THSD4: variants seen among roughly 807,000 people sequenced by gnomAD.
THSD4 encodes thrombospondin type-1 domain-containing protein 4.
THSD4 carries 69 observed loss-of-function variants against 119.0 expected under a neutral mutation model. The observed-to-expected ratio is 0.58, with a 90% confidence interval of 0.48 to 0.71. The LOEUF is 0.71. Among genes scored for constraint, THSD4 ranks in the 30% least tolerant of loss-of-function variants. THSD4 has a pLI of 0.00. For missense variants in THSD4, 1,393 were observed against 1,391.1 expected (o/e 1.00, Z -0.02); for synonymous variants, 524 against 540.4 (o/e 0.97, Z 0.42).
chr15:71,421,959 T>G (rs909869729), intron 7 of THSD4, among the ~76,000 whole-genome samples: 1 of 152,258 alleles, frequency 6.6e-6, no homozygotes, highest in African/African-American at 2.4e-5. Context: ...TAAGAGACTC[T>G]GATGTATTCT....
rs1164539507 is a variant in THSD4, at chr15:71,419,292, TCC to T, written c.1152+7470_1152+7471del. ...ATCACAGCTCACTGCAGCCTTGACCTCCAGGATCAAGCAGTTCCCCCAGCTCA... is the reference window on the plus strand; with the variant it reads ...ATCACAGCTCACTGCAGCCTTGACCTAGGATCAAGCAGTTCCCCCAGCTCA... On this transcript the variant is annotated intron_variant, in intron 7 of 17. Coordinates refer to ENST00000261862, the MANE Select transcript of THSD4 (RefSeq NM_024817.3). Among the ~76,000 whole-genome samples the T allele has an allele frequency of 1.9e-5, 2 of 106,190 alleles. 1 individual carries two copies. The highest frequency in any genetic ancestry group is 6.2e-4 in the East Asian group (2 of 3,230). The allele number at this position is 106,190 out of a possible 152,430, so 69.7% of individuals were successfully genotyped here. A position where few individuals can be genotyped will look rare whatever the true frequency, so the allele number is the denominator to read the frequency against.
chr15:71,319,663 G>T (rs1384560513), intron 6 of THSD4, among the ~76,000 whole-genome samples: 1 of 151,986 alleles, frequency 6.6e-6, no homozygotes, highest in Non-Finnish European at 1.5e-5. Flanking sequence ...GGACATTTGG[G>T]TTAGTTCCAA....
intron 6 of THSD4, among the ~76,000 whole-genome samples, chr15:71,393,404 A>T (rs12910319): frequency 6.6e-6 from 1 of 151,986 alleles, no homozygotes; most frequent in African/African-American, 2.4e-5. Context: ...CATACTTGCC[A>T]TGTAAATCCA....
chr15:71,688,707 C>CTGTGTGTGTGTGTG (rs55653630), intron 8 of THSD4, among the ~76,000 whole-genome samples: 173 of 133,470 alleles, frequency 1.3e-3, no homozygotes, highest in African/African-American at 4.8e-3. Context: ...TTTTGTATCT[C>CTGTGTGTGTGTGTG]TGTGTGTGTG....
At chr15:71,308,828 A>G (rs2045070971) in intron 6 of THSD4, among the ~76,000 whole-genome samples, 1 of 152,214 alleles carries the variant, frequency 6.6e-6, no homozygotes, top group Non-Finnish European at 1.5e-5. Context: ...TGTTTTCCAC[A>G]GCAGCTGCAG....
intron 8 of THSD4, among the ~76,000 whole-genome samples, chr15:71,686,490 C>T (rs1042121209): frequency 3.9e-5 from 6 of 152,222 alleles, no homozygotes; most frequent in African/African-American, 4.8e-5. Flanking sequence ...GGCCAGAGCA[C>T]TGCCTCTTCA....
At chr15:71,307,567 C>T (rs2045047934) in intron 6 of THSD4, among the ~76,000 whole-genome samples, 1 of 152,066 alleles carries the variant, frequency 6.6e-6, no homozygotes, top group African/African-American at 2.4e-5. Context: ...GACAGGAGTT[C>T]AAGACCAGCC....
intron 6 of THSD4, among the ~76,000 whole-genome samples, chr15:71,302,264 G>A (rs543778458): frequency 1.4e-4 from 22 of 152,262 alleles, no homozygotes; most frequent in Non-Finnish European, 2.8e-4. Context: ...GTGGCGGAAG[G>A]GTAGGGGTAG....
chr15:71,111,987 T>C (rs2040308440), upstream of THSD4: 1 of 884,646 alleles, frequency 1.1e-6, no homozygotes, highest in Admixed American at 2.8e-5. Flanking sequence ...AAGAAAACTG[T>C]GTTCCCCATA....
chr15:71,620,885 G>A (rs1316257968), intron 7 of THSD4, among the ~76,000 whole-genome samples: 2 of 152,146 alleles, frequency 1.3e-5, no homozygotes, highest in African/African-American at 2.4e-5. Flanking sequence ...GTTTCTGGCT[G>A]GGAGTCCAAC....
intron 6 of THSD4, among the ~76,000 whole-genome samples, chr15:71,408,167 CA>C (rs57537140): frequency 0.44 from 64,474 of 148,208 alleles, 15,916 homozygotes; most frequent in Middle Eastern, 0.61. Context: ...TACTTAAAGG[CA>C]AAAAAAAAAA....
rs1184457820 is a variant in THSD4 at position 71,332,891 on chromosome 15, C to CTTTTTTTTTTTTTTTTTTTTTTT, written c.1015+76176_1015+76177insTTTTTTTTTTTTTTTTTTTTTTT. Among the ~76,000 whole-genome samples, 177 of 37,870 alleles carry CTTTTTTTTTTTTTTTTTTTTTTT rather than the reference C, an allele frequency of 4.7e-3. 16 individuals carry two copies. Among genetic ancestry groups the CTTTTTTTTTTTTTTTTTTTTTTT allele is most frequent in the Non-Finnish European group, 6.3e-3 (111 of 17,550 alleles). 24.8% of individuals were successfully genotyped at this position (37,870 alleles called of 152,430 possible). On this transcript the variant is annotated intron_variant, in intron 6 of 17. Coordinates refer to ENST00000261862, the MANE Select transcript of THSD4 (RefSeq NM_024817.3). ...TTCTTAAAACATTGAGATTTTTTTA[C>CTTTTTTTTTTTTTTTTTTTTTTT]ATTTTTTTTTTTTTTTTAGTTCATC...
chr15:71,534,833 C>T (rs1291618509), intron 7 of THSD4, among the ~76,000 whole-genome samples: 1 of 152,050 alleles, frequency 6.6e-6, no homozygotes, highest in Non-Finnish European at 1.5e-5. Context: ...CAAAAATTAG[C>T]CAGGTGTGGT....
Position 71,197,768 on chromosome 15 carries a change from C to A in THSD4, c.100-17267C>A, listed in dbSNP as rs1182127453. On this transcript the variant is annotated intron_variant, in intron 3 of 17. Transcript: ENST00000261862. ...GACTGTCAGGTTCTCTGTTTCTCTG[C>A]CTGAGGGTCCCACTGAATACCTGCT... 2.6e-5 allele frequency among the ~76,000 whole-genome samples: 4 copies of A among 152,080 alleles called. No homozygotes were observed. In the South Asian group the frequency reaches 8.3e-4, roughly 32 times the overall value.
At chr15:71,412,741 C>A (rs995865315) in intron 7 of THSD4, among the ~76,000 whole-genome samples, 7 of 152,134 alleles carry the variant, frequency 4.6e-5, no homozygotes, top group Non-Finnish European at 1.0e-4. Context: ...CCTACCCCCC[C>A]ACCAACAACA....
chr15:71,326,808 G>A (rs1425872562), intron 6 of THSD4, among the ~76,000 whole-genome samples: 3 of 143,258 alleles, frequency 2.1e-5, no homozygotes, highest in Non-Finnish European at 4.5e-5. Flanking sequence ...CCAAGATTGA[G>A]GCTGCAGTGA....
chr15:71,648,257 G>T (rs2140975591), intron 7 of THSD4, among the ~76,000 whole-genome samples: 1 of 152,228 alleles, frequency 6.6e-6, no homozygotes. Context: ...ATGGTGAGTG[G>T]TCCAGCCGTA....
chr15:71,389,964 C>T (rs2046354607), intron 6 of THSD4, among the ~76,000 whole-genome samples: 1 of 151,870 alleles, frequency 6.6e-6, no homozygotes, highest in African/African-American at 2.4e-5. Flanking sequence ...ACCACCACAC[C>T]CAGCTAATTT....
At chr15:71,218,018 C>T (rs963719273) in intron 4 of THSD4, among the ~76,000 whole-genome samples, 2 of 151,876 alleles carry the variant, frequency 1.3e-5, no homozygotes, top group Non-Finnish European at 2.9e-5. Context: ...AACTCCTGCC[C>T]GCTTCGGCCT....
Sources: gnomAD v4.1 joint callset for allele counts (sites outside exome capture counted in the v4.1 genomes callset) on GRCh38, gnomAD v4.1.1 for gene constraint, MANE v1.5 for transcripts, NCBI Gene and HGNC (gene_info 2026-07-23, HGNC 2026-07-21) for gene names.